CHRM3: variants seen among roughly 807,000 people sequenced by gnomAD.
CHRM3 encodes the protein cholinergic receptor muscarinic 3.
CHRM3 carries 11 observed loss-of-function variants against 41.8 expected under a neutral mutation model. The observed-to-expected ratio is 0.26, with a 90% CI of 0.17 to 0.44. The LOEUF (loss-of-function observed/expected upper bound fraction) is 0.44, where lower values mean the gene tolerates loss of function less well. CHRM3 is among the 20% of genes least tolerant of loss of function. The pLI is 1.00. For synonymous variants in CHRM3, 297 were observed against 301.4 expected, an observed-to-expected ratio of 0.99 and a Z score of 0.15; for missense variants, 571 against 745.4, an observed-to-expected ratio of 0.77 and a Z score of 2.72.
chr1:239,678,938 T>C (rs1658273842), intron 5 of CHRM3, among the ~76,000 whole-genome samples: 3 of 152,166 alleles, frequency 2.0e-5, no homozygotes, highest in African/African-American at 7.2e-5. Flanking sequence ...TCACTATATA[T>C]AAATATGTCA....
At chr1:239,837,066 T>C (rs956602987) in intron 6 of CHRM3, among the ~76,000 whole-genome samples, 2 of 151,854 alleles carry the variant, frequency 1.3e-5, no homozygotes, top group Admixed American at 6.6e-5. Context: ...TGATCAGTAA[T>C]GCATGATAAA....
chr1:239,688,212 A>G (rs1659335340), intron 5 of CHRM3, among the ~76,000 whole-genome samples: 1 of 149,028 alleles, frequency 6.7e-6, no homozygotes, highest in Non-Finnish European at 1.5e-5. Context: ...TATTATATAT[A>G]AAACACATGC....
At chr1:239,866,353 TC>T (rs1189098042) in intron 6 of CHRM3, among the ~76,000 whole-genome samples, 2 of 146,866 alleles carry the variant, frequency 1.4e-5, no homozygotes, top group African/African-American at 5.2e-5. Context: ...TGAGCCGAGA[TC>T]CCCCCACTGC....
intron 1 of CHRM3, among the ~76,000 whole-genome samples, chr1:239,476,013 A>C (rs1666444253): frequency 6.6e-6 from 1 of 152,190 alleles, no homozygotes; most frequent in African/African-American, 2.4e-5. Context: ...TTATACTGAA[A>C]GCAGAGAGAA....
intron 6 of CHRM3, among the ~76,000 whole-genome samples, chr1:239,882,479 A>G (rs537021070): frequency 4.7e-4 from 72 of 152,258 alleles, no homozygotes; most frequent in African/African-American, 1.4e-3. Flanking sequence ...ACGTCTTTTA[A>G]TCCCCGCACA....
chr1:239,729,029 T>C (rs1043276215), intron 5 of CHRM3, among the ~76,000 whole-genome samples: 3 of 151,904 alleles, frequency 2.0e-5, no homozygotes, highest in African/African-American at 7.2e-5. Flanking sequence ...ATTACAATAC[T>C]AATACTCATA....
intron 4 of CHRM3, among the ~76,000 whole-genome samples, chr1:239,677,111 T>C (rs1236848610): frequency 2.6e-5 from 4 of 152,114 alleles, no homozygotes; most frequent in Admixed American, 6.5e-5. Flanking sequence ...CCCTGCTCTG[T>C]GATGTCACCC....
chr1:239,550,367 AC>A (rs1659701778), intron 3 of CHRM3, among the ~76,000 whole-genome samples: 1 of 152,144 alleles, frequency 6.6e-6, no homozygotes, highest in South Asian at 2.1e-4. Context: ...TTGTTGATGT[AC>A]CAACTACCTC....
At chr1:239,496,135 C>CT (rs1005355795) in intron 2 of CHRM3, among the ~76,000 whole-genome samples, 45 of 152,086 alleles carry the variant, frequency 3.0e-4, no homozygotes, top group African/African-American at 1.1e-3. Flanking sequence ...CTATTTATTT[C>CT]TTTTTTTCTT....
At chr1:239,547,544 C>T (rs1429391307) in intron 3 of CHRM3, among the ~76,000 whole-genome samples, 1 of 152,144 alleles carries the variant, frequency 6.6e-6, no homozygotes, top group Non-Finnish European at 1.5e-5. Flanking sequence ...TCAAAAACCT[C>T]AGTTTCTGAG....
chr1:239,596,480 G>T (rs1664790397), intron 3 of CHRM3, among the ~76,000 whole-genome samples: 1 of 152,042 alleles, frequency 6.6e-6, no homozygotes. Context: ...TCAGCAAAAA[G>T]AACAAATCAT....
At chr1:239,545,069 G>T (rs1361080387) in intron 2 of CHRM3, among the ~76,000 whole-genome samples, 1 of 151,966 alleles carries the variant, frequency 6.6e-6, no homozygotes, top group Non-Finnish European at 1.5e-5. Context: ...CAAAACATAG[G>T]CCATAAAAAA....
chr1:239,699,819 CAT>C (rs1412849741), intron 5 of CHRM3, among the ~76,000 whole-genome samples: 1 of 152,050 alleles, frequency 6.6e-6, no homozygotes, highest in Non-Finnish European at 1.5e-5. Flanking sequence ...ATAAGGAAAA[CAT>C]ATCTCTGAAA....
At chr1:239,794,031 C>G (rs945452259) in intron 5 of CHRM3, among the ~76,000 whole-genome samples, 1 of 151,878 alleles carries the variant, frequency 6.6e-6, no homozygotes, top group African/African-American at 2.4e-5. Context: ...CCAGGCTGGT[C>G]TCTTACTCAA....
At chr1:239,421,781 C>A (rs1329101378) in intron 1 of CHRM3, among the ~76,000 whole-genome samples, 1 of 152,128 alleles carries the variant, frequency 6.6e-6, no homozygotes. Context: ...CTCTCTATTT[C>A]TCTATATTAG....
intron 1 of CHRM3, among the ~76,000 whole-genome samples, chr1:239,468,994 C>G (rs1008431007): frequency 6.6e-6 from 1 of 151,948 alleles, no homozygotes; most frequent in African/African-American, 2.4e-5. Context: ...TTTATAGACA[C>G]CAAAATTTAT....
At position 239,907,431 on chromosome 1, in the gene CHRM3, A is replaced by C; in HGVS notation, c.-19-2A>C. 1 of 1,594,592 alleles carries C rather than the reference A, an allele frequency of 6.3e-7. No individual in the cohort carries two copies. The highest frequency in any genetic ancestry group is 1.3e-5 in the African/African-American group (1 of 74,440). On this transcript the variant is annotated splice_acceptor_variant, in intron 6 of 6. Transcript: ENST00000676153. LOFTEE classifies it low-confidence loss of function (5UTR_SPLICE). This position sits in a 1 kb window ranked among gnomAD's most constrained non-coding sequence, Gnocchi z 5.4. ...ACTCTGTCTCTTCTCTCTTTCCCCC[A>C]GACTATGTCAGAGAGTCACAATGAC...
intron 5 of CHRM3, among the ~76,000 whole-genome samples, chr1:239,749,919 T>C (rs1162281688): frequency 6.6e-6 from 1 of 152,254 alleles, no homozygotes; most frequent in Non-Finnish European, 1.5e-5. Flanking sequence ...AGAAGCTGTG[T>C]GAATATTATA....
Position 239,680,520 on chromosome 1 carries a change from G to C in CHRM3, c.-147+2232G>C, listed in dbSNP as rs78023402. On this transcript the variant is annotated intron_variant, in intron 5 of 6. Coordinates refer to ENST00000676153, the MANE Select transcript of CHRM3 (RefSeq NM_001375978.1). ...ATCCAACAGATTGCCACCCAATCAG[G>C]GTCCTGATTGCACCTTACATAGGAT... 3.8e-3 allele frequency among the ~76,000 whole-genome samples: 574 copies of C among 152,060 alleles called. 8 individuals carry two copies. The highest frequency in any genetic ancestry group is 0.013 in the African/African-American group (525 of 41,456).
Sources: gnomAD v4.1 joint callset for allele counts (sites outside exome capture counted in the v4.1 genomes callset) on GRCh38, gnomAD v4.1.1 for gene constraint, Gnocchi (gnomAD v3.1) non-coding constraint, MANE v1.5 for transcripts, NCBI Gene and HGNC (gene_info 2026-07-23, HGNC 2026-07-21) for gene names.